Variants in B3GALT1 observed in about 807,000 individuals in gnomAD.
B3GALT1 encodes the protein UDP-Gal:betaGlcNAc beta 1,3-galactosyltransferase, polypeptide 1.
A neutral mutation model predicts 23.2 loss-of-function variants in B3GALT1; 10 were observed. The ratio of observed to expected loss-of-function variants is 0.43; its 90% CI spans 0.27 to 0.73. The LOEUF is 0.73. Ranked by LOEUF, B3GALT1 falls within the 30% of genes least tolerant of loss-of-function variation. B3GALT1 has a pLI of 0.21. For synonymous variants in B3GALT1, 156 were observed against 141.5 expected, an observed-to-expected ratio of 1.10 and a Z score of -0.73; for missense variants, 299 against 405.4, an observed-to-expected ratio of 0.74 and a Z score of 2.25.
intron 1 of B3GALT1, among the ~76,000 whole-genome samples, chr2:167,298,158 C>G (rs924647542): frequency 5.3e-5 from 8 of 152,084 alleles, no homozygotes; most frequent in African/African-American, 1.4e-4. Context: ...TTAATGAGAG[C>G]TAAGCAGAAA....
chr2:167,593,559 A>G (rs750506487), intron 2 of B3GALT1, among the ~76,000 whole-genome samples: 4 of 152,206 alleles, frequency 2.6e-5, no homozygotes, highest in Non-Finnish European at 5.9e-5. Flanking sequence ...AGTTTTATAG[A>G]TATACTTCAA....
At chr2:167,427,681 C>T (rs936664904) in intron 1 of B3GALT1, among the ~76,000 whole-genome samples, 12 of 152,152 alleles carry the variant, frequency 7.9e-5, no homozygotes, top group African/African-American at 2.4e-4. Context: ...GGACTACAGG[C>T]GGACACCACA....
At chr2:167,740,071 C>T (rs1687555936) in intron 3 of B3GALT1, among the ~76,000 whole-genome samples, 1 of 150,956 alleles carries the variant, frequency 6.6e-6, no homozygotes, top group African/African-American at 2.4e-5. Flanking sequence ...CATACTCCAG[C>T]CTGGGCAACA....
At chr2:167,686,594 GAAC>G (rs1018011681) in intron 3 of B3GALT1, among the ~76,000 whole-genome samples, 3 of 152,044 alleles carry the variant, frequency 2.0e-5, no homozygotes, top group Non-Finnish European at 2.9e-5. Flanking sequence ...CAATTGAAAA[GAAC>G]AACATTTTAG....
At chr2:167,432,243 A>G (rs1410254296) in intron 1 of B3GALT1, among the ~76,000 whole-genome samples, 3 of 152,178 alleles carry the variant, frequency 2.0e-5, no homozygotes, top group Non-Finnish European at 4.4e-5. Context: ...CACTCTAGTG[A>G]CAGACTTCCA....
intron 3 of B3GALT1, among the ~76,000 whole-genome samples, chr2:167,791,980 A>C (rs1044309972): frequency 2.0e-4 from 30 of 152,094 alleles, no homozygotes; most frequent in African/African-American, 7.2e-4. Flanking sequence ...TGAACAGTTC[A>C]TACTTTGATC....
chr2:167,791,330 A>G (rs1436453552), intron 3 of B3GALT1, among the ~76,000 whole-genome samples: 2 of 151,556 alleles, frequency 1.3e-5, no homozygotes, highest in Non-Finnish European at 2.9e-5. Context: ...TATCACACTG[A>G]AAAAAAAATC....
At chr2:167,413,774 C>T (rs1203765283) in intron 1 of B3GALT1, among the ~76,000 whole-genome samples, 4 of 151,706 alleles carry the variant, frequency 2.6e-5, no homozygotes, top group Non-Finnish European at 4.4e-5. Flanking sequence ...ATTGTAATTG[C>T]TGTTTTATTA....
intron 4 of B3GALT1, among the ~76,000 whole-genome samples, chr2:167,824,329 A>G (rs1290100684): frequency 6.6e-6 from 1 of 152,212 alleles, no homozygotes; most frequent in Non-Finnish European, 1.5e-5. Flanking sequence ...GCTGGAGTGT[A>G]AAGAAAGAAA....
chr2:167,439,294 A>G (rs954739549), intron 1 of B3GALT1, among the ~76,000 whole-genome samples: 1 of 152,146 alleles, frequency 6.6e-6, no homozygotes, highest in African/African-American at 2.4e-5. Flanking sequence ...TGTAGTTGTT[A>G]TATCATCTTA....
chr2:167,677,888 A>G (rs1211518338), intron 3 of B3GALT1, among the ~76,000 whole-genome samples: 1 of 152,234 alleles, frequency 6.6e-6, no homozygotes, highest in East Asian at 1.9e-4. Flanking sequence ...AAAGAAGTAC[A>G]GAGTAAAGGT....
At chr2:167,724,028 T>A (rs1445446076) in intron 3 of B3GALT1, among the ~76,000 whole-genome samples, 2 of 152,180 alleles carry the variant, frequency 1.3e-5, no homozygotes, top group African/African-American at 4.8e-5. Context: ...TGATGAAGAT[T>A]CAACCAGTTA....
chr2:167,715,859 C>G lies in B3GALT1; in HGVS notation c.-352+68893C>G. 5 of 1,613,850 alleles carry G rather than the reference C, an allele frequency of 3.1e-6. No homozygotes were observed. In the South Asian group the frequency reaches 5.5e-5, roughly 18 times the overall value. On this transcript the variant is annotated intron_variant, in intron 3 of 4. Coordinates refer to ENST00000392690, the MANE Select transcript of B3GALT1 (RefSeq NM_020981.4). Reference sequence around the variant, plus strand: ...TTTTTTTCTCTCTTCCCACATAAAGCCGACTCCTAACCGATCTAAAACTTC... The same window carrying G: ...TTTTTTTCTCTCTTCCCACATAAAGGCGACTCCTAACCGATCTAAAACTTC...
intron 1 of B3GALT1, among the ~76,000 whole-genome samples, chr2:167,383,415 C>T (rs777509412): frequency 3.3e-5 from 5 of 152,110 alleles, no homozygotes; most frequent in Non-Finnish European, 7.4e-5. Flanking sequence ...TGACTGTTCC[C>T]ACTGTTTAAG....
intron 2 of B3GALT1, among the ~76,000 whole-genome samples, chr2:167,554,397 C>CA (rs1447382589): frequency 1.8e-4 from 28 of 152,162 alleles, no homozygotes; most frequent in African/African-American, 6.8e-4. Context: ...CAAGTCACCT[C>CA]ACTCAGTAAG....
At chr2:167,552,015 T>C (rs1044610508) in intron 2 of B3GALT1, among the ~76,000 whole-genome samples, 1 of 152,200 alleles carries the variant, frequency 6.6e-6, no homozygotes, top group South Asian at 2.1e-4. Flanking sequence ...AACGACTTAT[T>C]GTAAGGAGGC....
chr2:167,300,534 C>A (rs1696428728), intron 1 of B3GALT1, among the ~76,000 whole-genome samples: 1 of 152,086 alleles, frequency 6.6e-6, no homozygotes, highest in South Asian at 2.1e-4. Context: ...GTTGCACTTT[C>A]AAGTATTTAA....
intron 2 of B3GALT1, among the ~76,000 whole-genome samples, chr2:167,608,303 C>T (rs937555881): frequency 5.9e-5 from 9 of 152,088 alleles, no homozygotes; most frequent in African/African-American, 1.9e-4. Context: ...TTCTGTCCCA[C>T]GGGAGGCATT....
chr2:167,579,334 A>G (rs1187091961), intron 2 of B3GALT1, among the ~76,000 whole-genome samples: 2 of 151,872 alleles, frequency 1.3e-5, no homozygotes, highest in Non-Finnish European at 2.9e-5. Context: ...AATTTTTATA[A>G]TAACCAGAAA....
Sources: gnomAD v4.1 joint callset for allele counts (sites outside exome capture counted in the v4.1 genomes callset) on GRCh38, gnomAD v4.1.1 for gene constraint, MANE v1.5 for transcripts, NCBI Gene and HGNC (gene_info 2026-07-23, HGNC 2026-07-21) for gene names.